The following CNTNAP2 variants were observed in gnomAD, a reference collection of about 807,000 sequenced individuals.
CNTNAP2 encodes contactin-associated protein-like 2.
Under a neutral mutation model 155.2 loss-of-function variants are expected in CNTNAP2, and 98 were observed. The observed-to-expected ratio is 0.63, with a 90% CI of 0.54 to 0.75. The LOEUF is 0.75. CNTNAP2 is among the 30% of genes least tolerant of loss of function. The pLI, the probability that CNTNAP2 is intolerant of heterozygous loss-of-function variation, is 0.00. For synonymous variants in CNTNAP2, 651 were observed against 631.2 expected, an observed-to-expected ratio of 1.03 and a Z score of -0.47; for missense variants, 1,727 against 1,688.1, an observed-to-expected ratio of 1.02 and a Z score of -0.40.
intron 15 of CNTNAP2, among the ~76,000 whole-genome samples, chr7:148,016,226 G>A (rs939261567): frequency 2.9e-4 from 44 of 152,328 alleles, no homozygotes; most frequent in African/African-American, 1.0e-3. Flanking sequence ...ATCCCCTCCT[G>A]GGGAAGTCTG....
At chr7:147,807,443 C>T (rs576596228) in intron 13 of CNTNAP2, among the ~76,000 whole-genome samples, 1 of 151,228 alleles carries the variant, frequency 6.6e-6, no homozygotes, top group South Asian at 2.1e-4. Flanking sequence ...CATGCTGTAT[C>T]AAAATATTGC....
At chr7:148,245,381 G>T (rs1422113237) in intron 20 of CNTNAP2, among the ~76,000 whole-genome samples, 1 of 152,208 alleles carries the variant, frequency 6.6e-6, no homozygotes, top group Non-Finnish European at 1.5e-5. Flanking sequence ...AAGTACTTAT[G>T]GTGGGATCCC....
At chr7:147,241,075 G>C (rs982975802) in intron 8 of CNTNAP2, among the ~76,000 whole-genome samples, 3 of 152,180 alleles carry the variant, frequency 2.0e-5, no homozygotes, top group African/African-American at 7.2e-5. Flanking sequence ...GTACTTAAAA[G>C]ACCATCAGAT....
chr7:148,327,919 T>G (rs1198546422), intron 21 of CNTNAP2, among the ~76,000 whole-genome samples: 2 of 152,142 alleles, frequency 1.3e-5, no homozygotes, highest in Admixed American at 6.5e-5. Context: ...CTTCTGACCT[T>G]GATCCAGAGT....
At chr7:147,023,220 G>T (rs2129247296) in intron 3 of CNTNAP2, among the ~76,000 whole-genome samples, 1 of 152,208 alleles carries the variant, frequency 6.6e-6, no homozygotes, top group Non-Finnish European at 1.5e-5. Flanking sequence ...GGATTTTCCA[G>T]TTGCATGCTT....
intron 13 of CNTNAP2, among the ~76,000 whole-genome samples, chr7:147,899,315 G>A (rs1030429112): frequency 6.6e-6 from 1 of 152,128 alleles, no homozygotes; most frequent in African/African-American, 2.4e-5. Flanking sequence ...ACTCCAGCCT[G>A]GGTGACAGAG....
intron 10 of CNTNAP2, among the ~76,000 whole-genome samples, chr7:147,462,000 G>A (rs1036888342): frequency 6.6e-6 from 1 of 152,076 alleles, no homozygotes; most frequent in Non-Finnish European, 1.5e-5. Context: ...TACTTTCAAA[G>A]TTTCAGCAAT....
chr7:146,737,896 A>C (rs1467886976), intron 1 of CNTNAP2, among the ~76,000 whole-genome samples: 1 of 152,108 alleles, frequency 6.6e-6, no homozygotes, highest in Non-Finnish European at 1.5e-5. Flanking sequence ...CACACATACC[A>C]CATTTGCTTT....
chr7:147,705,578 T>C (rs907396289), intron 13 of CNTNAP2, among the ~76,000 whole-genome samples: 6 of 152,202 alleles, frequency 3.9e-5, no homozygotes, highest in Non-Finnish European at 8.8e-5. Flanking sequence ...TGGTCAAGTG[T>C]GCAGTTTAAA....
At chr7:147,313,565 A>T (rs1178844792) in intron 9 of CNTNAP2, among the ~76,000 whole-genome samples, 1 of 147,712 alleles carries the variant, frequency 6.8e-6, no homozygotes, top group Admixed American at 6.7e-5. Context: ...CAAAGATCAG[A>T]TAGTTGTAGA....
At position 147,395,698 on chromosome 7, in the gene CNTNAP2, C is replaced by T. The variant is rs773040586; in HGVS notation, c.1588C>T (p.Leu530Phe). The T allele has an allele frequency of 1.2e-6, 2 of 1,612,620 alleles. No individual in the cohort carries two copies. Among genetic ancestry groups the T allele is most frequent in the Non-Finnish European group, 1.7e-6 (2 of 1,178,906 alleles). ...CMQLIQVDDQ[L>F]VNLYEVAQRK... ...GCAGCTCATTCAAGTGGACGATCAA[C>T]TTGTAAATTTATACGAAGTGGCACA... Residue 530 changes from leucine (L) to phenylalanine (F), a missense_variant, in exon 10 of 24, where the codon CTT (leucine) becomes TTT (phenylalanine). By Grantham distance (22) the Leu-to-Phe change is conservative. Transcript: ENST00000361727.
intron 12 of CNTNAP2, among the ~76,000 whole-genome samples, chr7:147,633,543 C>T (rs1299384516): frequency 6.6e-6 from 1 of 151,996 alleles, no homozygotes; most frequent in Admixed American, 6.6e-5. Flanking sequence ...TTGGGAGGGG[C>T]CAGGAGAAGA....
At chr7:147,300,022 C>A in intron 8 of CNTNAP2, 119 bp from the exon 9 acceptor site, 1 of 1,047,312 alleles carries the variant, frequency 9.5e-7, no homozygotes, top group Admixed American at 2.0e-5. Context: ...TTGTAAGCAG[C>A]ACTGTATTTT....
chr7:146,886,483 T>TAA (rs1795664583), intron 3 of CNTNAP2, among the ~76,000 whole-genome samples: 1 of 152,076 alleles, frequency 6.6e-6, no homozygotes, highest in South Asian at 2.1e-4. Context: ...ATAAGACTAC[T>TAA]AATCTTTGCC....
intron 1 of CNTNAP2, among the ~76,000 whole-genome samples, chr7:146,464,643 G>T (rs116593849): frequency 6.6e-6 from 1 of 151,860 alleles, no homozygotes; most frequent in Non-Finnish European, 1.5e-5. Flanking sequence ...TTCACTATTT[G>T]CGAACTTATC....
chr7:147,659,680 T>A (rs1338384927), intron 13 of CNTNAP2, among the ~76,000 whole-genome samples: 1 of 152,150 alleles, frequency 6.6e-6, no homozygotes, highest in Non-Finnish European at 1.5e-5. Flanking sequence ...ATATATTAAA[T>A]TTGTTTAATA....
At chr7:146,132,983 G>A (rs936180909) in intron 1 of CNTNAP2, among the ~76,000 whole-genome samples, 44 of 147,372 alleles carry the variant, frequency 3.0e-4, no homozygotes, top group East Asian at 4.0e-4. Flanking sequence ...CTGAGGAATC[G>A]CCACACTGAC....
At chr7:147,332,872 AATC>A (rs1795597223) in intron 9 of CNTNAP2, among the ~76,000 whole-genome samples, 1 of 152,136 alleles carries the variant, frequency 6.6e-6, no homozygotes, top group Non-Finnish European at 1.5e-5. Flanking sequence ...AAAAAATAAT[AATC>A]ATCATAATTA....
chr7:147,301,941 T>C (rs1794953284), intron 9 of CNTNAP2, among the ~76,000 whole-genome samples: 1 of 152,126 alleles, frequency 6.6e-6, no homozygotes, highest in South Asian at 2.1e-4. Flanking sequence ...TAGTGACAAG[T>C]TAGAGACAAA....
Sources: allele counts gnomAD v4.1 joint callset (sites outside exome capture counted in the v4.1 genomes callset), GRCh38; gene constraint gnomAD v4.1.1; transcripts MANE v1.5; gene names NCBI Gene and HGNC (gene_info 2026-07-23, HGNC 2026-07-21).